INTS12: variants seen among roughly 807,000 people sequenced by gnomAD.
The protein encoded by INTS12 is PHD finger protein 22.
A neutral mutation model predicts 41.6 loss-of-function variants in INTS12; 13 were observed. That is an observed-to-expected ratio of 0.31 (90% CI 0.20 to 0.50). The LOEUF is 0.50. Among genes scored for constraint, INTS12 ranks in the 20% least tolerant of loss-of-function variants. The pLI, the probability that INTS12 is intolerant of heterozygous loss-of-function variation, is 0.98. For synonymous variants in INTS12, 199 were observed against 191.4 expected (o/e 1.04, Z -0.33); for missense variants, 432 against 541.6 (o/e 0.80, Z 2.01).
intron 7 of INTS12, 98 bp downstream of exon 7, chr4:105,686,594 G>A (rs1446794923): frequency 1.2e-6 from 1 of 806,412 alleles, no homozygotes; most frequent in South Asian, 1.8e-5. Flanking sequence ...TAGCCATTTA[G>A]TATATAAAGT....
At chr4:105,703,070 C>T (rs1732139168) in intron 2 of INTS12, 51 of 955,976 alleles carry the variant, frequency 5.3e-5, no homozygotes, top group Non-Finnish European at 5.7e-5. Flanking sequence ...AATCATGTTA[C>T]TTCTATACAA....
At position 105,683,140 on chromosome 4, in the gene INTS12, G is replaced by C; in HGVS notation, c.982C>G (p.Gln328Glu). The change falls in exon 8 of 8, where the codon CAG becomes GAG. Residue 328 changes from glutamine (Q) to glutamate (E), a missense_variant. Transcript: ENST00000340139. ...TGKPATSSANQKPVGLTGLAT... is the reference protein window; with the variant it reads ...TGKPATSSANEKPVGLTGLAT... ...AGACCAGTCAAACCCACAGGTTTCT[G>C]GTTAGCTGACGAAGTAGCAGGTTTC... 6.2e-7 allele frequency: 1 copy of C among 1,614,088 alleles called. No individual in the cohort carries two copies. The highest frequency in any genetic ancestry group is 8.5e-7 in the Non-Finnish European group (1 of 1,179,974).
At chr4:105,690,461 A>G (rs1423910225) in intron 6 of INTS12, among the ~76,000 whole-genome samples, 5 of 118,172 alleles carry the variant, frequency 4.2e-5, no homozygotes, top group South Asian at 2.3e-4. Flanking sequence ...TCAGAGACAT[A>G]TAAGAGGTAG....
chr4:105,699,583 C>T (rs1352623593), intron 3 of INTS12, among the ~76,000 whole-genome samples: 4 of 151,848 alleles, frequency 2.6e-5, no homozygotes, highest in South Asian at 2.1e-4. Context: ...CACAAAGAAT[C>T]GGAAATTAAA....
intron 1 of INTS12, chr4:105,708,287 G>A: frequency 3.0e-6 from 3 of 985,460 alleles, no homozygotes; most frequent in South Asian, 4.7e-5. Flanking sequence ...TCCTAGAATG[G>A]GGGATGGTCC....
intron 7 of INTS12, among the ~76,000 whole-genome samples, chr4:105,685,422 A>C (rs1731467571): frequency 6.6e-6 from 1 of 152,162 alleles, no homozygotes; most frequent in South Asian, 2.1e-4. Context: ...CTTCTATTCC[A>C]ATTCACCAAG....
intron 5 of INTS12, among the ~76,000 whole-genome samples, chr4:105,692,952 A>C (rs1447657923): frequency 1.3e-5 from 2 of 152,226 alleles, no homozygotes; most frequent in Non-Finnish European, 2.9e-5. Context: ...GTGTATAAAA[A>C]AGTATAAATT....
chr4:105,692,460 G>A (rs1307780176), intron 5 of INTS12, among the ~76,000 whole-genome samples: 1 of 145,424 alleles, frequency 6.9e-6, no homozygotes, highest in African/African-American at 2.6e-5. Flanking sequence ...CTCCAGCCTT[G>A]GTGACAGAGT....
intron 2 of INTS12, among the ~76,000 whole-genome samples, 184 bp downstream of exon 2, chr4:105,703,464 T>C (rs1732155538): frequency 6.6e-6 from 1 of 152,190 alleles, no homozygotes; most frequent in Admixed American, 6.5e-5. Context: ...CCTTGATTTA[T>C]TGCAGTATGC....
Position 105,686,846 on chromosome 4 carries a change from A to C in INTS12, c.658-8T>G. The C allele has an allele frequency of 6.2e-7, 1 of 1,612,786 alleles. No homozygotes were observed. Among genetic ancestry groups the C allele is most frequent in the Non-Finnish European group, 8.5e-7 (1 of 1,179,226 alleles). ...TTTCTGAGTTTTTTGAGCCTGCAAA[A>C]ATCAGTGGATTAAATCAGATACAAA... On this transcript the variant is annotated splice_polypyrimidine_tract_variant and splice_region_variant and intron_variant, in intron 6 of 7. Transcript: ENST00000340139.
intron 7 of INTS12, among the ~76,000 whole-genome samples, chr4:105,686,331 C>T (rs1424315266): frequency 1.3e-5 from 2 of 152,096 alleles, no homozygotes; most frequent in African/African-American, 4.8e-5. Flanking sequence ...TCAGGTAATC[C>T]ACCCGCCTTG....
intron 2 of INTS12, chr4:105,700,271 G>C (rs530975234): frequency 4.5e-6 from 1 of 221,236 alleles, no homozygotes; most frequent in East Asian, 9.0e-5. Context: ...TTTAAATCCA[G>C]GTAGGCCTCT....
At chr4:105,703,424 C>T (rs528761145) in intron 2 of INTS12, among the ~76,000 whole-genome samples, 2 of 152,144 alleles carry the variant, frequency 1.3e-5, no homozygotes, top group African/African-American at 4.8e-5. Flanking sequence ...CATTACTGAA[C>T]AATGATCTTT....
chr4:105,708,050 T>C lies in INTS12; in HGVS notation c.-172+588A>G, dbSNP rs151098627. 4.1e-5 allele frequency: 40 copies of C among 985,508 alleles called. No homozygotes were observed. In the East Asian group the frequency reaches 3.4e-3, roughly 84 times the overall value. 61.0% of individuals were successfully genotyped at this position (985,508 alleles called of 1,614,324 possible). The stretch of plus-strand genomic sequence containing the variant: ...TGGCTCTAAAAAACTTTGTTCTTCA[T>C]GACTTCGCAAGCTCTTGCAACCCCT... On this transcript the variant is annotated intron_variant, in intron 1 of 7. Transcript: ENST00000340139.
At chr4:105,695,690 C>T (rs756195030) in intron 3 of INTS12, 22 bp from the exon 4 acceptor site, 104 of 1,589,912 alleles carry the variant, frequency 6.5e-5, no homozygotes, top group Non-Finnish European at 8.3e-5. Context: ...AAAAAGGTAC[C>T]AGTAATTAAA....
chr4:105,693,964 C>T (rs1425109821), intron 4 of INTS12, among the ~76,000 whole-genome samples: 1 of 152,140 alleles, frequency 6.6e-6, no homozygotes, highest in Non-Finnish European at 1.5e-5. Flanking sequence ...AAATTTAGTA[C>T]ATCTACTTTT....
Position 105,695,621 on chromosome 4 carries a change from C to T in INTS12, c.204G>A (p.Lys68=), listed in dbSNP as rs1250732394. 1.2e-6 allele frequency: 2 copies of T among 1,612,938 alleles called. No homozygotes were observed. The highest frequency in any genetic ancestry group is 1.7e-6 in the Non-Finnish European group (2 of 1,179,710). Reference sequence around the variant, plus strand: ...GACTGGATGATATTTTGGGCTCTTGCTTAATGGAAATGTTTTTTGTGCTTG... The same window carrying T: ...GACTGGATGATATTTTGGGCTCTTGTTTAATGGAAATGTTTTTTGTGCTTG... ...KISSTKNISI[K]QEPKISSSLP... Residue 68 remains lysine, a synonymous_variant, in exon 4 of 8, where the codon AAG becomes AAA. Transcript: ENST00000340139.
At chr4:105,708,163 C>G in intron 1 of INTS12, 1 of 985,398 alleles carries the variant, frequency 1.0e-6, no homozygotes, top group Non-Finnish European at 1.2e-6. Flanking sequence ...TTAGGGACAC[C>G]TGGAATCGCA....
chr4:105,691,326 A>G (rs966723851), intron 6 of INTS12, among the ~76,000 whole-genome samples: 4 of 152,228 alleles, frequency 2.6e-5, no homozygotes, highest in Non-Finnish European at 5.9e-5. Flanking sequence ...TATGAAATTC[A>G]TTTATCATTT....
Sources: allele counts gnomAD v4.1 joint callset (sites outside exome capture counted in the v4.1 genomes callset), GRCh38; gene constraint gnomAD v4.1.1; transcripts MANE v1.5; gene names NCBI Gene and HGNC (gene_info 2026-07-23, HGNC 2026-07-21).